The following ACTR2 variants were observed in gnomAD, a reference collection of about 807,000 sequenced individuals.
The protein encoded by ACTR2 is actin related protein 2, also known as actin-related protein 2.
In ACTR2, 5 loss-of-function variants were observed where a neutral mutation model predicts 50.2. The ratio of observed to expected loss-of-function variants is 0.10; its 90% CI spans 0.05 to 0.21. The LOEUF is 0.21. Among genes scored for constraint, ACTR2 ranks in the 10% least tolerant of loss-of-function variants. The pLI, the probability that ACTR2 is intolerant of heterozygous loss-of-function variation, is 1.00. For missense variants in ACTR2, 180 were observed against 480.6 expected (o/e 0.37, Z 5.85); for synonymous variants, 140 against 162.9 (o/e 0.86, Z 1.07).
intron 8 of ACTR2, among the ~76,000 whole-genome samples, chr2:65,266,460 G>C (rs1018690033): frequency 6.6e-6 from 1 of 152,102 alleles, no homozygotes; most frequent in Non-Finnish European, 1.5e-5. Context: ...AGGGGGGCAG[G>C]TGGGATATGA....
chr2:65,265,015 C>G (rs371631369), intron 7 of ACTR2, 28 bp from the exon 8 acceptor site: 2 of 1,612,872 alleles, frequency 1.2e-6, no homozygotes, highest in Non-Finnish European at 1.7e-6. Flanking sequence ...CCTAAAACTC[C>G]AAATGAATAA....
At chr2:65,253,660 T>C (rs1672096162) in intron 4 of ACTR2, 68 bp from the exon 5 acceptor site, 1 of 1,549,600 alleles carries the variant, frequency 6.5e-7, no homozygotes, top group Admixed American at 1.8e-5. Flanking sequence ...CCCTACTGTA[T>C]TTGGAACTCG....
chr2:65,229,283 T>C (rs1671590909), intron 1 of ACTR2, among the ~76,000 whole-genome samples: 1 of 152,154 alleles, frequency 6.6e-6, no homozygotes, highest in Admixed American at 6.5e-5. Context: ...GATGTATGAA[T>C]TAAAGTTCAT....
At chr2:65,257,059 T>C (rs1205827460) in intron 6 of ACTR2, among the ~76,000 whole-genome samples, 1 of 152,148 alleles carries the variant, frequency 6.6e-6, no homozygotes, top group African/African-American at 2.4e-5. Context: ...ACCTGTCATC[T>C]GCATTAGATA....
At chr2:65,267,328 A>G (rs550326333) in intron 8 of ACTR2, among the ~76,000 whole-genome samples, 1 of 152,298 alleles carries the variant, frequency 6.6e-6, no homozygotes, top group South Asian at 2.1e-4. Context: ...GCCCTTCACA[A>G]AAAAAGTTTG....
chr2:65,234,501 A>C (rs1007277574), intron 1 of ACTR2, among the ~76,000 whole-genome samples: 1 of 152,178 alleles, frequency 6.6e-6, no homozygotes, highest in Non-Finnish European at 1.5e-5. Context: ...TTGTCTTCTA[A>C]CTTGGGAAAT....
intron 2 of ACTR2, among the ~76,000 whole-genome samples, chr2:65,240,898 G>A (rs1003611009): frequency 6.6e-6 from 1 of 152,126 alleles, no homozygotes; most frequent in South Asian, 2.1e-4. Context: ...GTAGGAAGGT[G>A]GTAATGGGTG....
intron 2 of ACTR2, chr2:65,242,152 G>C: frequency 1.1e-6 from 1 of 909,666 alleles, no homozygotes; most frequent in South Asian, 1.5e-5. Flanking sequence ...TAGTATTGGG[G>C]AGGGGGGGTT....
At chr2:65,264,420 C>T (rs769813795) in intron 7 of ACTR2, among the ~76,000 whole-genome samples, 2 of 152,188 alleles carry the variant, frequency 1.3e-5, no homozygotes, top group Non-Finnish European at 2.9e-5. Flanking sequence ...GAGAATTATT[C>T]CTCAGACCCT....
chr2:65,267,818 A>G (rs138380545), intron 8 of ACTR2, among the ~76,000 whole-genome samples: 161 of 149,688 alleles, frequency 1.1e-3, no homozygotes, highest in African/African-American at 3.9e-3. Context: ...GCCCTGGACT[A>G]GAATCATAAC....
chr2:65,246,268 T>G lies in ACTR2; in HGVS notation c.160-256T>G, dbSNP rs937077627. On this transcript the variant is annotated intron_variant, in intron 2 of 8. Transcript: ENST00000260641. ...CAAAATATGAAAATGTGGGGTTTAT[T>G]TGTGCTAATGCTCTTCTTTTGGAAA... 4.5e-5 allele frequency: 12 copies of G among 269,408 alleles called. No homozygotes were observed. The South Asian group carries it at 1.0e-3, about 22-fold the overall frequency. The allele number at this position is 269,408 out of a possible 1,614,324, so 16.7% of individuals were successfully genotyped here.
intron 2 of ACTR2, among the ~76,000 whole-genome samples, chr2:65,240,742 A>T (rs1671826264): frequency 6.6e-6 from 1 of 152,178 alleles, no homozygotes; most frequent in Admixed American, 6.5e-5. Flanking sequence ...AATGCCATAG[A>T]ATTTAGGGTC....
At chr2:65,240,942 G>A (rs1671830660) in intron 2 of ACTR2, among the ~76,000 whole-genome samples, 1 of 151,980 alleles carries the variant, frequency 6.6e-6, no homozygotes, top group African/African-American at 2.4e-5. Context: ...CTGCTTTTGG[G>A]ATAGAGAGTT....
chr2:65,246,199 A>G (rs918431102), intron 2 of ACTR2: 1 of 181,522 alleles, frequency 5.5e-6, no homozygotes, highest in African/African-American at 2.4e-5. Context: ...TATTTTTTGA[A>G]CAATTGAGCA....
intron 7 of ACTR2, among the ~76,000 whole-genome samples, chr2:65,263,531 T>G (rs1415546722): frequency 6.6e-6 from 1 of 152,316 alleles, no homozygotes; most frequent in East Asian, 1.9e-4. Flanking sequence ...AACCCTGAGT[T>G]AAATAGCCAC....
At chr2:65,228,476 G>C (rs1671575258) in intron 1 of ACTR2, 1 of 150,038 alleles carries the variant, frequency 6.7e-6, no homozygotes, top group African/African-American at 2.5e-5. Flanking sequence ...GTGGACCTCA[G>C]CCCTTTCGCT....
Position 65,268,717 on chromosome 2 carries a change from G to A in ACTR2, c.1168G>A (p.Gly390Ser). The A allele has an allele frequency of 6.2e-7, 1 of 1,613,406 alleles. No individual in the cohort carries two copies. Among genetic ancestry groups the A allele is most frequent in the Non-Finnish European group, 8.5e-7 (1 of 1,179,676 alleles). ...GGGTGTCCGTGTGCTAGAGAAACTT[G>A]GTGTGACTGTTCGATAAACTCCAAA... The part of the protein sequence containing the change: ...EKGVRVLEKL[G>S]VTVR The change falls in exon 9 of 9, where the codon GGT becomes AGT. Residue 390 changes from glycine (G) to serine (S), a missense_variant. Coordinates refer to ENST00000260641, the MANE Select transcript of ACTR2 (RefSeq NM_005722.4).
chr2:65,255,708 G>T lies in ACTR2; in HGVS notation c.735+14G>T, dbSNP rs1296730686. The T allele has an allele frequency of 6.2e-7, 1 of 1,609,640 alleles. No homozygotes were observed. The highest frequency in any genetic ancestry group is 1.1e-5 in the South Asian group (1 of 90,678). On this transcript the variant is annotated intron_variant, in intron 6 of 8. Coordinates refer to ENST00000260641, the MANE Select transcript of ACTR2 (RefSeq NM_005722.4). ...GAATCTTATACAGTAAGTGTTTCCA[G>T]TGTATAATATATATGTGTTTTAAAG...
At chr2:65,239,668 G>A (rs1046662687) in intron 1 of ACTR2, among the ~76,000 whole-genome samples, 184 bp from the exon 2 acceptor site, 1 of 152,192 alleles carries the variant, frequency 6.6e-6, no homozygotes, top group Non-Finnish European at 1.5e-5. Context: ...CCTGGAAGTA[G>A]GCAATGCCGT....
Sources: gnomAD v4.1 joint callset for allele counts (sites outside exome capture counted in the v4.1 genomes callset) on GRCh38, gnomAD v4.1.1 for gene constraint, MANE v1.5 for transcripts, NCBI Gene and HGNC (gene_info 2026-07-23, HGNC 2026-07-21) for gene names.